Variants in CALM2 observed in about 807,000 individuals in gnomAD.
CALM2 encodes calmodulin 2.
A neutral mutation model predicts 19.8 loss-of-function variants in CALM2; 2 were observed. That is an observed-to-expected ratio of 0.10 (90% CI 0.04 to 0.32). The LOEUF is 0.32. Among genes scored for constraint, CALM2 ranks in the 10% least tolerant of loss-of-function variants. The pLI is 1.00. For missense variants in CALM2, 38 were observed against 178.7 expected (o/e 0.21, Z 4.49); for synonymous variants, 51 against 52.1 (o/e 0.98, Z 0.09).
At chr2:47,171,084 G>T (rs1244986029) in intron 1 of CALM2, 1 of 217,994 alleles carries the variant, frequency 4.6e-6, no homozygotes, top group Non-Finnish European at 9.1e-6. Context: ...TAAATCACCA[G>T]AAATTCCCAC....
intron 1 of CALM2, 41 bp from the exon 2 acceptor site, chr2:47,170,805 AT>A (rs1195262529): frequency 3.2e-6 from 5 of 1,554,722 alleles, no homozygotes; most frequent in Non-Finnish European, 4.4e-6. Context: ...ACTTGAGAGT[AT>A]GTAGATTAGC....
intron 1 of CALM2, chr2:47,171,897 G>A (rs1411867502): frequency 6.7e-6 from 1 of 149,254 alleles, no homozygotes; most frequent in African/African-American, 2.5e-5. Flanking sequence ...TAGGGCACAT[G>A]AGAAAATTCA....
At chr2:47,175,871 G>T (rs1046087448) in intron 1 of CALM2, among the ~76,000 whole-genome samples, 2 of 147,832 alleles carry the variant, frequency 1.4e-5, no homozygotes, top group Admixed American at 6.7e-5. Context: ...CCCACACAGC[G>T]CGCCGCCCGC....
At chr2:47,171,982 T>TAAA (rs60765781) in intron 1 of CALM2, 3 of 104,076 alleles carry the variant, frequency 2.9e-5, no homozygotes, top group African/African-American at 1.3e-4. Flanking sequence ...TCAAATTCAT[T>TAAA]AAAAAAAAAA....
upstream of CALM2, chr2:47,176,849 CT>C: frequency 1.0e-6 from 1 of 985,454 alleles, no homozygotes; most frequent in Non-Finnish European, 1.2e-6. Flanking sequence ...TGGTTTGTAC[CT>C]GCAATGCGTC....
At chr2:47,176,629 C>T, upstream of CALM2, 3 of 1,501,490 alleles carry the variant, frequency 2.0e-6, no homozygotes, top group Non-Finnish European at 2.7e-6. Context: ...CCCTCAAACT[C>T]TTCTCGGGAC....
intron 2 of CALM2, among the ~76,000 whole-genome samples, chr2:47,164,865 G>A (rs1281274009): frequency 1.3e-5 from 2 of 152,174 alleles, no homozygotes; most frequent in Non-Finnish European, 2.9e-5. Context: ...TTCCCTGCCT[G>A]CTTATCCCTA....
chr2:47,176,741 C>G (rs1666887018), upstream of CALM2: 3 of 1,370,158 alleles, frequency 2.2e-6, no homozygotes, highest in East Asian at 8.6e-5. Context: ...GTTAAAAGGC[C>G]GGTGGAGCGG....
rs61085424 is a variant in CALM2, at chr2:47,164,347, AACACACACACACACACAC to A, written c.35-1703_35-1686del. Among the ~76,000 whole-genome samples, 132 of 139,888 alleles carry A rather than the reference AACACACACACACACACAC, an allele frequency of 9.4e-4. 1 individual carries two copies. The highest frequency in any genetic ancestry group is 2.7e-3 in the African/African-American group (102 of 37,752). 91.8% of individuals were successfully genotyped at this position (139,888 alleles called of 152,430 possible). A position where few individuals can be genotyped will look rare whatever the true frequency, so the allele number is the denominator to read the frequency against. ...GCCTGTAGTCCCCCGTCTCTACTAA[AACACACACACACACACAC>A]ACACACACACACACACACACACGCT... On this transcript the variant is annotated intron_variant, in intron 2 of 5. Transcript: ENST00000272298.
chr2:47,172,807 T>TGGGGGGGGGGG (rs56098000), intron 1 of CALM2: 1 of 36,726 alleles, frequency 2.7e-5, no homozygotes, highest in African/African-American at 1.5e-4. Context: ...CTACATGGGT[T>TGGGGGGGGGGG]GGGGGGGGGG....
chr2:47,164,448 C>G (rs1342927998), intron 2 of CALM2, among the ~76,000 whole-genome samples: 3 of 149,808 alleles, frequency 2.0e-5, no homozygotes, highest in Non-Finnish European at 4.5e-5. Flanking sequence ...AACACACACA[C>G]AAGCTGGGTG....
chr2:47,169,983 G>A (rs1020246296), intron 2 of CALM2, among the ~76,000 whole-genome samples: 6 of 150,076 alleles, frequency 4.0e-5, no homozygotes, highest in African/African-American at 1.2e-4. Flanking sequence ...AAACAACTCC[G>A]GCAAGGGGGG....
intron 1 of CALM2, chr2:47,173,704 C>G (rs942568577): frequency 3.0e-4 from 46 of 152,202 alleles, no homozygotes; most frequent in African/African-American, 1.0e-3. Context: ...GGAACGCAAA[C>G]TGCTATCCTT....
chr2:47,176,890 G>C (rs772406770), upstream of CALM2: 1 of 985,372 alleles, frequency 1.0e-6, no homozygotes, highest in Non-Finnish European at 1.2e-6. Flanking sequence ...GCCGGGACGC[G>C]GTGCGGCTTC....
At chr2:47,174,808 C>T (rs1666793263) in intron 1 of CALM2, among the ~76,000 whole-genome samples, 1 of 152,032 alleles carries the variant, frequency 6.6e-6, no homozygotes, top group Admixed American at 6.5e-5. Flanking sequence ...CCTGTAACTA[C>T]ATCTTTAAGA....
At chr2:47,172,143 T>G (rs527886502) in intron 1 of CALM2, 1 of 178,308 alleles carries the variant, frequency 5.6e-6, no homozygotes, top group African/African-American at 2.4e-5. Context: ...ACAGATTGTT[T>G]ACCCAAGGAA....
At chr2:47,164,122 C>T (rs1666370325) in intron 2 of CALM2, among the ~76,000 whole-genome samples, 1 of 151,760 alleles carries the variant, frequency 6.6e-6, no homozygotes. Flanking sequence ...CCTATAGTCC[C>T]AGCTACTCGG....
chr2:47,176,580 A>G (rs890802918), upstream of CALM2: 4 of 1,546,860 alleles, frequency 2.6e-6, no homozygotes, highest in South Asian at 1.2e-5. Flanking sequence ...CCGCATCCAG[A>G]TAACGGAACA....
intron 2 of CALM2, among the ~76,000 whole-genome samples, chr2:47,169,622 TA>T (rs1558699016): frequency 1.3e-5 from 2 of 152,104 alleles, no homozygotes; most frequent in African/African-American, 2.4e-5. Flanking sequence ...AATTACACAA[TA>T]AATAAAAATA....
Sources: gnomAD v4.1 joint callset for allele counts (sites outside exome capture counted in the v4.1 genomes callset) on GRCh38, gnomAD v4.1.1 for gene constraint, MANE v1.5 for transcripts, NCBI Gene and HGNC (gene_info 2026-07-23, HGNC 2026-07-21) for gene names.